The following PPP2R2A variants were observed in gnomAD, a reference collection of about 807,000 sequenced individuals.
PPP2R2A encodes the protein serine/threonine-protein phosphatase 2A 55 kDa regulatory subunit B alpha isoform.
In PPP2R2A, 9 loss-of-function variants were observed where a neutral mutation model predicts 53.2. The ratio of observed to expected loss-of-function variants is 0.17; its 90% confidence interval spans 0.10 to 0.30. The LOEUF is 0.30. PPP2R2A is among the 10% of genes least tolerant of loss of function. PPP2R2A has a pLI of 1.00. For synonymous variants in PPP2R2A, 169 were observed against 174.2 expected (o/e 0.97, Z 0.23); for missense variants, 235 against 534.6 (o/e 0.44, Z 5.53).
chr8:26,347,963 C>T (rs979534280), intron 3 of PPP2R2A, among the ~76,000 whole-genome samples: 15 of 152,264 alleles, frequency 9.9e-5, no homozygotes, highest in Admixed American at 5.9e-4. Flanking sequence ...CCCATATTTT[C>T]TGAATGTGTT....
At chr8:26,314,457 A>G (rs1802443856) in intron 2 of PPP2R2A, among the ~76,000 whole-genome samples, 1 of 151,494 alleles carries the variant, frequency 6.6e-6, no homozygotes, top group South Asian at 2.1e-4. Flanking sequence ...CTTGGATCTC[A>G]CATCTTTTTC....
intron 3 of PPP2R2A, among the ~76,000 whole-genome samples, chr8:26,347,880 A>G (rs1190631626): frequency 6.6e-6 from 1 of 152,206 alleles, no homozygotes; most frequent in Non-Finnish European, 1.5e-5. Flanking sequence ...TCATTAGTTT[A>G]GAGAAAGTTT....
chr8:26,294,490 A>AT (rs1442207350), intron 2 of PPP2R2A, among the ~76,000 whole-genome samples: 1 of 152,160 alleles, frequency 6.6e-6, no homozygotes, highest in African/African-American at 2.4e-5. Context: ...CAGCGGAGGC[A>AT]TTTTCCACAA....
intron 2 of PPP2R2A, among the ~76,000 whole-genome samples, chr8:26,294,383 T>TA (rs1408960377): frequency 6.6e-6 from 1 of 152,222 alleles, no homozygotes; most frequent in Non-Finnish European, 1.5e-5. Flanking sequence ...TTGAAGTACT[T>TA]ACGTCTAATT....
intron 3 of PPP2R2A, among the ~76,000 whole-genome samples, chr8:26,351,252 T>C (rs1804489382): frequency 6.6e-6 from 1 of 152,098 alleles, no homozygotes; most frequent in South Asian, 2.1e-4. Context: ...TAGATCCATG[T>C]GGCTATTCAG....
At chr8:26,305,528 G>A (rs1304934507) in intron 2 of PPP2R2A, among the ~76,000 whole-genome samples, 3 of 152,088 alleles carry the variant, frequency 2.0e-5, no homozygotes, top group African/African-American at 7.2e-5. Context: ...TTTTTATGGG[G>A]AGGGGGCAGA....
chr8:26,300,558 A>G (rs184320623), intron 2 of PPP2R2A, among the ~76,000 whole-genome samples: 4 of 152,222 alleles, frequency 2.6e-5, no homozygotes, highest in African/African-American at 4.8e-5. Context: ...AGCAGACAGA[A>G]AGAAAAGTAA....
chr8:26,320,207 G>A (rs560836849), intron 2 of PPP2R2A, among the ~76,000 whole-genome samples: 1 of 152,262 alleles, frequency 6.6e-6, no homozygotes, highest in African/African-American at 2.4e-5. Context: ...TAGACGTTAT[G>A]TGGGTGTCAA....
intron 2 of PPP2R2A, among the ~76,000 whole-genome samples, chr8:26,297,626 C>T (rs974308599): frequency 1.3e-5 from 2 of 152,140 alleles, no homozygotes; most frequent in African/African-American, 4.8e-5. Flanking sequence ...TTTATCATTT[C>T]TGTGGTCATC....
In PPP2R2A at chr8:26,321,165, C is replaced by T. The variant is rs1008166289; in HGVS notation, c.83-17725C>T. On this transcript the variant is annotated intron_variant, in intron 2 of 9. Transcript: ENST00000380737. This position sits in a 1 kb window ranked among gnomAD's most constrained non-coding sequence, Gnocchi z 4.1. ...AGTGTTCATTTCTGTGGTTGTGAAGCGCTAGTAGGAGTAAGTGACAGGACC... is the reference window on the plus strand; with the variant it reads ...AGTGTTCATTTCTGTGGTTGTGAAGTGCTAGTAGGAGTAAGTGACAGGACC... 5.3e-5 allele frequency among the ~76,000 whole-genome samples: 8 copies of T among 152,146 alleles called. No homozygotes were observed. The highest frequency in any genetic ancestry group is 1.9e-4 in the African/African-American group (8 of 41,438).
At chr8:26,358,974 A>G (rs771207634) in intron 4 of PPP2R2A, 6 of 455,558 alleles carry the variant, frequency 1.3e-5, no homozygotes, top group South Asian at 9.3e-5. Flanking sequence ...GTCATTGTAT[A>G]GTGGAGAAGC....
At chr8:26,292,099 G>C in intron 1 of PPP2R2A, 1 of 1,203,182 alleles carries the variant, frequency 8.3e-7, no homozygotes, top group Non-Finnish European at 1.0e-6. Flanking sequence ...GCGTGGGTGG[G>C]GCGGGGTGGG....
At chr8:26,356,687 T>G (rs1257487716) in intron 4 of PPP2R2A, among the ~76,000 whole-genome samples, 1 of 152,242 alleles carries the variant, frequency 6.6e-6, no homozygotes, top group African/African-American at 2.4e-5. Context: ...GGGAAATGTG[T>G]TGTTAACATT....
intron 2 of PPP2R2A, among the ~76,000 whole-genome samples, chr8:26,327,299 C>T (rs1265604192): frequency 6.6e-6 from 1 of 152,244 alleles, no homozygotes; most frequent in Non-Finnish European, 1.5e-5. Flanking sequence ...TCCATGCCTA[C>T]TGCCCTTCCC....
At chr8:26,297,820 C>G (rs1212510876) in intron 2 of PPP2R2A, among the ~76,000 whole-genome samples, 1 of 152,106 alleles carries the variant, frequency 6.6e-6, no homozygotes, top group East Asian at 1.9e-4. Context: ...AAGGAAGAGT[C>G]TTTGGAGTAT....
At position 26,338,867 on chromosome 8, in the gene PPP2R2A, T is replaced by C. The variant is rs978246940; in HGVS notation, c.83-23T>C. On this transcript the variant is annotated intron_variant, in intron 2 of 9. Transcript: ENST00000380737. This position sits in a 1 kb window ranked among gnomAD's most constrained non-coding sequence, Gnocchi z 4.5. ...CGGGAAAGAAAAACTAATATCTTTT[T>C]TTGTTTTGTCTCAATTATACAGCAG... 95 of 1,491,906 alleles carry C rather than the reference T, an allele frequency of 6.4e-5. No homozygotes were observed. The Middle Eastern group carries it at 1.9e-3, about 30-fold the overall frequency. The allele number at this position is 1,491,906 out of a possible 1,614,324, so 92.4% of individuals were successfully genotyped here. A position where few individuals can be genotyped will look rare whatever the true frequency, so the allele number is the denominator to read the frequency against.
chr8:26,293,459 T>C, intron 1 of PPP2R2A: 1 of 699,608 alleles, frequency 1.4e-6, no homozygotes, highest in Non-Finnish European at 2.3e-6. Context: ...CCTTTAAATA[T>C]TTCGTACCTG....
intron 2 of PPP2R2A, among the ~76,000 whole-genome samples, chr8:26,299,251 G>T (rs1210316268): frequency 7.6e-6 from 1 of 130,976 alleles, no homozygotes; most frequent in African/African-American, 2.9e-5. Flanking sequence ...AATAGAGTAA[G>T]ACTCTGTTTC....
intron 3 of PPP2R2A, among the ~76,000 whole-genome samples, chr8:26,352,205 A>G (rs137928511): frequency 3.2e-4 from 49 of 152,336 alleles, no homozygotes; most frequent in African/African-American, 1.2e-3. Flanking sequence ...AAACAAAAAC[A>G]TTGTGTTTGA....
Sources: gnomAD v4.1 joint callset for allele counts (sites outside exome capture counted in the v4.1 genomes callset) on GRCh38, gnomAD v4.1.1 for gene constraint, Gnocchi (gnomAD v3.1) non-coding constraint, MANE v1.5 for transcripts, NCBI Gene and HGNC (gene_info 2026-07-23, HGNC 2026-07-21) for gene names.